The following ABLIM1 variants were observed in gnomAD, a reference collection of about 807,000 sequenced individuals.
The protein encoded by ABLIM1 is actin binding LIM protein 1.
ABLIM1 carries 40 observed loss-of-function variants against 107.0 expected under a neutral mutation model. That is an observed-to-expected ratio of 0.37 (90% CI 0.29 to 0.49). The LOEUF (loss-of-function observed/expected upper bound fraction) is 0.49, where lower values mean the gene tolerates loss of function less well. ABLIM1 is among the 20% of genes least tolerant of loss of function. The probability of loss-of-function intolerance (pLI) is 0.97; values close to 1 mark genes in which losing one functional copy is unlikely to be tolerated. For synonymous variants in ABLIM1, 357 were observed against 357.3 expected, an observed-to-expected ratio of 1.00 and a Z score of 0.01; for missense variants, 857 against 1,008.5, an observed-to-expected ratio of 0.85 and a Z score of 2.04.
chr10:114,668,228 AC>A (rs2080105787), intron 1 of ABLIM1, among the ~76,000 whole-genome samples: 1 of 152,144 alleles, frequency 6.6e-6, no homozygotes, highest in Non-Finnish European at 1.5e-5. Context: ...AGGAAAGAAC[AC>A]CCAGCCTGGG....
chr10:114,791,752 G>T, the ABLIM1 span, among the ~76,000 whole-genome samples: 7,364 of 152,078 alleles, frequency 0.048, 604 homozygotes, highest in African/African-American at 0.17. Context: ...GAAAAACCAT[G>T]AAAAGAGAAA....
At chr10:114,653,701 G>A (rs1196243399) in intron 1 of ABLIM1, among the ~76,000 whole-genome samples, 1 of 152,170 alleles carries the variant, frequency 6.6e-6, no homozygotes, top group Non-Finnish European at 1.5e-5. Flanking sequence ...ATTGATATAT[G>A]CTCACTGATA....
chr10:114,633,221 G>T (rs543672128), intron 1 of ABLIM1, among the ~76,000 whole-genome samples: 17 of 152,266 alleles, frequency 1.1e-4, no homozygotes, highest in African/African-American at 4.1e-4. Context: ...AGAGAGCCAG[G>T]GGAACCGAAA....
chr10:114,687,293 CAAAACAGAGCTTGG>C (rs566119550), upstream of ABLIM1, among the ~76,000 whole-genome samples: 20 of 152,272 alleles, frequency 1.3e-4, no homozygotes, highest in South Asian at 3.9e-3. Flanking sequence ...GAACTTTTCA[CAAAACAGAGCTTGG>C]AAAACATTTC....
chr10:114,708,829 A>T (rs926436724), intron 1 of ABLIM1, among the ~76,000 whole-genome samples: 1 of 152,172 alleles, frequency 6.6e-6, no homozygotes, highest in African/African-American at 2.4e-5. Flanking sequence ...CCACCTTCAA[A>T]GTCCTCATCT....
At chr10:114,692,609 G>A (rs554178390) in intron 1 of ABLIM1, among the ~76,000 whole-genome samples, 55 of 152,232 alleles carry the variant, frequency 3.6e-4, no homozygotes, top group Admixed American at 2.9e-3. Context: ...GTAAAAAAAC[G>A]GGTCAGGAGT....
chr10:114,525,273 T>C (rs1308178049), intron 6 of ABLIM1, among the ~76,000 whole-genome samples: 1 of 152,202 alleles, frequency 6.6e-6, no homozygotes, highest in Non-Finnish European at 1.5e-5. Flanking sequence ...CTCCAGAAAG[T>C]CAGGTTACAA....
At chr10:114,529,610 G>A (rs2065239761) in intron 6 of ABLIM1, among the ~76,000 whole-genome samples, 1 of 152,192 alleles carries the variant, frequency 6.6e-6, no homozygotes, top group South Asian at 2.1e-4. Context: ...GTGGAGTCAA[G>A]AGGTTCAAGT....
intron 1 of ABLIM1, among the ~76,000 whole-genome samples, chr10:114,732,257 C>T (rs2082092127): frequency 6.8e-6 from 1 of 147,354 alleles, no homozygotes; most frequent in Admixed American, 6.8e-5. Context: ...CACCTCGGCT[C>T]ACTGCAACCT....
chr10:114,714,781 G>T (rs1030515029), intron 1 of ABLIM1, among the ~76,000 whole-genome samples: 1 of 152,224 alleles, frequency 6.6e-6, no homozygotes, highest in Non-Finnish European at 1.5e-5. Context: ...AAAGCCTTTA[G>T]AAGACAATTA....
At chr10:114,655,018 AGGAG>A (rs1033286641) in intron 1 of ABLIM1, among the ~76,000 whole-genome samples, 18 of 152,310 alleles carry the variant, frequency 1.2e-4, no homozygotes, top group African/African-American at 3.8e-4. Context: ...TTATATAGAC[AGGAG>A]CCCTACAAAA....
chr10:114,659,405 T>A (rs185007126), upstream of ABLIM1, among the ~76,000 whole-genome samples: 5 of 151,968 alleles, frequency 3.3e-5, no homozygotes, highest in African/African-American at 1.2e-4. Flanking sequence ...TAGTCCCAGC[T>A]ACTCGGGAGG....
chr10:114,563,450 T>C (rs2070106091), intron 4 of ABLIM1, among the ~76,000 whole-genome samples: 1 of 152,208 alleles, frequency 6.6e-6, no homozygotes, highest in Non-Finnish European at 1.5e-5. Context: ...TGGGCACGCA[T>C]GTAAACAATT....
chr10:114,769,481 G>A (rs569911365), upstream of ABLIM1, among the ~76,000 whole-genome samples: 5 of 133,388 alleles, frequency 3.7e-5, no homozygotes, highest in East Asian at 2.2e-4. Context: ...GAAAGAAAGA[G>A]AAAGAAAGAA....
At chr10:114,667,033 C>T (rs982516654) in intron 1 of ABLIM1, among the ~76,000 whole-genome samples, 1 of 152,158 alleles carries the variant, frequency 6.6e-6, no homozygotes, top group Admixed American at 6.6e-5. Flanking sequence ...CGTCTCCACC[C>T]TCCAGCAAAA....
At chr10:114,455,937 T>C (rs1432653048) in intron 12 of ABLIM1, among the ~76,000 whole-genome samples, 3 of 151,976 alleles carry the variant, frequency 2.0e-5, no homozygotes, top group East Asian at 1.9e-4. Context: ...CTCACCCTCC[T>C]GAGTAGCTGG....
At chr10:114,467,562 A>G (rs6585283) in intron 11 of ABLIM1, among the ~76,000 whole-genome samples, 1 of 152,166 alleles carries the variant, frequency 6.6e-6, no homozygotes, top group Non-Finnish European at 1.5e-5. Flanking sequence ...TCAAGCTTGC[A>G]CAGTTGGTCA....
chr10:114,692,524 C>T (rs542107751), intron 1 of ABLIM1, among the ~76,000 whole-genome samples: 1 of 152,178 alleles, frequency 6.6e-6, no homozygotes, highest in Admixed American at 6.5e-5. Flanking sequence ...ACCTTTCCCC[C>T]CATCATCTCC....
chr10:114,542,315 C>T (rs1401374299), intron 6 of ABLIM1, among the ~76,000 whole-genome samples: 1 of 149,658 alleles, frequency 6.7e-6, no homozygotes, highest in Non-Finnish European at 1.5e-5. Context: ...GGGGGCTGTG[C>T]AGAAAGATAG....
Sources: gnomAD v4.1 joint callset for allele counts (sites outside exome capture counted in the v4.1 genomes callset) on GRCh38, gnomAD v4.1.1 for gene constraint, MANE v1.5 for transcripts, NCBI Gene and HGNC (gene_info 2026-07-23, HGNC 2026-07-21) for gene names.